BLTP2: variants seen among roughly 807,000 people sequenced by gnomAD.
BLTP2 encodes the protein bridge-like lipid transfer protein family member 2.
the BLTP2 span, chr17:28,631,726 G>A: frequency 6.2e-6 from 10 of 1,606,786 alleles, no homozygotes; most frequent in Non-Finnish European, 8.5e-6. Flanking sequence ...CAGTTCAGAG[G>A]ATAGTGTAAG....
chr17:28,644,058 C>T, the BLTP2 span: 2 of 1,614,022 alleles, frequency 1.2e-6, no homozygotes, highest in Admixed American at 1.7e-5. Context: ...CAGAACTCAC[C>T]ACTGTTTGCT....
chr17:28,616,032 G>T, the BLTP2 span: 1 of 1,338,840 alleles, frequency 7.5e-7, no homozygotes, highest in Non-Finnish European at 1.1e-6. This position sits in a 1 kb window ranked among gnomAD's most constrained non-coding sequence, Gnocchi z 4.8. Context: ...TCCCTGTATA[G>T]AATCTCTGAT....
At chr17:28,639,553 C>A in the BLTP2 span, 4 of 1,613,716 alleles carry the variant, frequency 2.5e-6, no homozygotes, top group African/African-American at 4.0e-5. Flanking sequence ...AGGAACAATT[C>A]TTGGTACCAC....
At chr17:28,639,721 C>T in the BLTP2 span, 2 of 1,449,926 alleles carry the variant, frequency 1.4e-6, no homozygotes, top group South Asian at 1.1e-5. Context: ...CAGAAGCCGG[C>T]AAAGGGATCA....
chr17:28,628,958 C>T, the BLTP2 span, among the ~76,000 whole-genome samples: 1 of 151,538 alleles, frequency 6.6e-6, no homozygotes, highest in Non-Finnish European at 1.5e-5. Context: ...ATTCACTGGG[C>T]GTGGTGGGGA....
the BLTP2 span, chr17:28,615,880 TGAGTGCCAAGTC>T: frequency 2.0e-6 from 3 of 1,482,370 alleles, no homozygotes; most frequent in South Asian, 3.6e-5. Flanking sequence ...GCCAGCCACT[TGAGTGCCAAGTC>T]CTACAATAGT....
At chr17:28,633,573 C>T in the BLTP2 span, 21 of 1,613,944 alleles carry the variant, frequency 1.3e-5, no homozygotes, top group East Asian at 6.7e-5. Flanking sequence ...GGTGCAGGTT[C>T]GCCTGTTCAA....
At chr17:28,637,250 T>C in the BLTP2 span, 1 of 1,078,812 alleles carries the variant, frequency 9.3e-7, no homozygotes, top group Non-Finnish European at 1.4e-6. Flanking sequence ...TTCTCACTTA[T>C]TCCCTTAACT....
the BLTP2 span, among the ~76,000 whole-genome samples, chr17:28,630,219 C>T: frequency 4.6e-5 from 7 of 151,892 alleles, no homozygotes; most frequent in Admixed American, 4.6e-4. Flanking sequence ...AGCAGTGATG[C>T]GGTCATGGCT....
the BLTP2 span, chr17:28,619,878 C>G: frequency 1.2e-6 from 2 of 1,613,974 alleles, no homozygotes; most frequent in Non-Finnish European, 1.7e-6. Context: ...TAGAATACAT[C>G]TGCTTCTCCA....
At chr17:28,621,470 C>T in the BLTP2 span, 1,826 of 1,614,134 alleles carry the variant, frequency 1.1e-3, no homozygotes, top group Non-Finnish European at 1.2e-3. Context: ...GTCCAGACTA[C>T]GCTGCCGGTG....
At chr17:28,635,604 C>A in the BLTP2 span, 3 of 1,609,608 alleles carry the variant, frequency 1.9e-6, no homozygotes, top group East Asian at 6.7e-5. Context: ...CTGCACCACA[C>A]TGAACCTTTA....
At chr17:28,637,706 C>T in the BLTP2 span, 6 of 774,440 alleles carry the variant, frequency 7.7e-6, no homozygotes, top group South Asian at 5.3e-5. Flanking sequence ...GAGTCTCGCT[C>T]GTTTGCCCAG....
chr17:28,643,411 G>T, the BLTP2 span: 1 of 1,501,528 alleles, frequency 6.7e-7, no homozygotes, highest in Non-Finnish European at 9.2e-7. Flanking sequence ...TAGAAATATA[G>T]CTCAAATCAC....
the BLTP2 span, chr17:28,635,856 T>C: frequency 2.3e-6 from 1 of 429,044 alleles, no homozygotes; most frequent in Non-Finnish European, 4.2e-6. Context: ...GATTCTAAAT[T>C]GTCTGAAAAT....
the BLTP2 span, chr17:28,634,398 C>T: frequency 1.1e-6 from 1 of 936,702 alleles, no homozygotes. Context: ...ACCCATCCCA[C>T]TCCACCCACC....
chr17:28,634,107 C>T, the BLTP2 span: 1 of 1,608,042 alleles, frequency 6.2e-7, no homozygotes. Flanking sequence ...AGGAAGGGTA[C>T]ACACTGGCTA....
the BLTP2 span, chr17:28,640,437 G>A: frequency 3.9e-4 from 397 of 1,016,298 alleles, 2 homozygotes; most frequent in East Asian, 7.4e-3. Flanking sequence ...CTACATGGAT[G>A]TAACCATTTC....
chr17:28,618,786 G>C, the BLTP2 span: 1 of 1,611,584 alleles, frequency 6.2e-7, no homozygotes, highest in Non-Finnish European at 8.5e-7. Flanking sequence ...ATATACCCCA[G>C]ATACCTTGCT....
Sources: allele counts gnomAD v4.1 joint callset (sites outside exome capture counted in the v4.1 genomes callset), GRCh38; gene constraint gnomAD v4.1.1; non-coding constraint Gnocchi (gnomAD v3.1); transcripts MANE v1.5; gene names NCBI Gene and HGNC (gene_info 2026-07-23, HGNC 2026-07-21).